Variants in CNTNAP2 observed in about 807,000 individuals in gnomAD.
The protein encoded by CNTNAP2 is contactin-associated protein-like 2.
In CNTNAP2, 98 loss-of-function variants were observed where a neutral mutation model predicts 155.2. The ratio of observed to expected loss-of-function variants is 0.63; its 90% CI spans 0.54 to 0.75. CNTNAP2 has a LOEUF of 0.75. Among genes scored for constraint, CNTNAP2 ranks in the 30% least tolerant of loss-of-function variants. The pLI, the probability that CNTNAP2 is intolerant of heterozygous loss-of-function variation, is 0.00. For synonymous variants in CNTNAP2, 651 were observed against 631.2 expected, an observed-to-expected ratio of 1.03 and a Z score of -0.47; for missense variants, 1,727 against 1,688.1, an observed-to-expected ratio of 1.02 and a Z score of -0.40.
intron 21 of CNTNAP2, among the ~76,000 whole-genome samples, chr7:148,301,292 T>TAAA (rs1191956788): frequency 6.7e-5 from 8 of 118,750 alleles, no homozygotes; most frequent in Admixed American, 8.9e-5. Context: ...AGACTCCGTC[T>TAAA]AAAAAAAAAA....
intron 15 of CNTNAP2, among the ~76,000 whole-genome samples, chr7:148,039,390 C>A (rs919305809): frequency 2.0e-5 from 3 of 152,136 alleles, no homozygotes; most frequent in African/African-American, 7.2e-5. Context: ...GAGGGAGGAT[C>A]TTCCTCACTC....
chr7:146,855,052 TCAAA>T (rs932316380), intron 3 of CNTNAP2, among the ~76,000 whole-genome samples: 11 of 152,080 alleles, frequency 7.2e-5, no homozygotes, highest in African/African-American at 1.7e-4. Context: ...AAAAGGAAAC[TCAAA>T]CAAAATATAT....
intron 8 of CNTNAP2, among the ~76,000 whole-genome samples, chr7:147,250,917 T>C (rs1463214573): frequency 6.6e-6 from 1 of 152,174 alleles, no homozygotes; most frequent in Non-Finnish European, 1.5e-5. Context: ...TCATGTTTTC[T>C]CTTGAGCTTC....
intron 1 of CNTNAP2, among the ~76,000 whole-genome samples, chr7:146,582,719 T>C (rs944215592): frequency 2.6e-5 from 4 of 152,078 alleles, no homozygotes; most frequent in Non-Finnish European, 5.9e-5. Context: ...TCTGAATGTG[T>C]TTCTATTTTC....
At chr7:148,316,348 T>TA (rs1378368772) in intron 21 of CNTNAP2, among the ~76,000 whole-genome samples, 10 of 55,138 alleles carry the variant, frequency 1.8e-4, no homozygotes, top group African/African-American at 3.0e-4. Flanking sequence ...TAAAAATATA[T>TA]TAAAAAAAAA....
intron 1 of CNTNAP2, among the ~76,000 whole-genome samples, chr7:146,640,020 C>T (rs942483332): frequency 8.5e-5 from 13 of 152,180 alleles, no homozygotes; most frequent in Non-Finnish European, 1.8e-4. Context: ...AGGAAGTCTT[C>T]CTGGTCCTCC....
intron 13 of CNTNAP2, among the ~76,000 whole-genome samples, chr7:147,662,064 A>C (rs1406353474): frequency 1.3e-5 from 2 of 152,166 alleles, no homozygotes; most frequent in East Asian, 3.9e-4. Flanking sequence ...GTTTGCAAGA[A>C]AGGCCAATCA....
intron 3 of CNTNAP2, among the ~76,000 whole-genome samples, chr7:146,974,970 TA>T (rs201271063): frequency 2.0e-5 from 3 of 152,086 alleles, no homozygotes; most frequent in Non-Finnish European, 4.4e-5. Context: ...AGACTCTATC[TA>T]AAAAAACAAA....
chr7:146,347,701 G>T (rs368605942), intron 1 of CNTNAP2, among the ~76,000 whole-genome samples: 29 of 152,098 alleles, frequency 1.9e-4, no homozygotes, highest in African/African-American at 7.0e-4. Flanking sequence ...AAATAGTTGG[G>T]ATTACAGGCA....
At chr7:147,808,933 T>A (rs1365923224) in intron 13 of CNTNAP2, among the ~76,000 whole-genome samples, 2 of 152,186 alleles carry the variant, frequency 1.3e-5, no homozygotes, top group Non-Finnish European at 2.9e-5. Flanking sequence ...TTAAATTTTC[T>A]AAAGCACCAA....
intron 12 of CNTNAP2, among the ~76,000 whole-genome samples, chr7:147,612,856 A>G (rs912467323): frequency 6.6e-6 from 1 of 152,096 alleles, no homozygotes; most frequent in Admixed American, 6.5e-5. Flanking sequence ...AAATTCACTC[A>G]TGTTTCATAA....
Position 147,953,512 on chromosome 7 carries a change from T to C in CNTNAP2, c.2256-24350T>C, listed in dbSNP as rs546406319. Reference sequence around the variant, plus strand: ...CACAAACCTGCATGTCCTGCACATGTATCCTGAAACTTTAAATTTTAAAAA... The same window carrying C: ...CACAAACCTGCATGTCCTGCACATGCATCCTGAAACTTTAAATTTTAAAAA... On this transcript the variant is annotated intron_variant, in intron 14 of 23. Transcript: ENST00000361727. 5.3e-5 allele frequency among the ~76,000 whole-genome samples: 8 copies of C among 152,290 alleles called. No individual in the cohort carries two copies. In the East Asian group the frequency reaches 1.2e-3, roughly 22 times the overall value.
intron 1 of CNTNAP2, among the ~76,000 whole-genome samples, chr7:146,244,144 T>G: frequency 6.6e-6 from 1 of 152,116 alleles, no homozygotes; most frequent in East Asian, 1.9e-4. Flanking sequence ...GGTCTAAGAA[T>G]TGGGACGACT....
At chr7:147,524,405 A>C (rs1197348262) in intron 11 of CNTNAP2, among the ~76,000 whole-genome samples, 1 of 152,164 alleles carries the variant, frequency 6.6e-6, no homozygotes, top group African/African-American at 2.4e-5. Context: ...ACAACAACAA[A>C]AAAGCGTGGC....
At chr7:148,295,459 T>C (rs569186927) in intron 21 of CNTNAP2, among the ~76,000 whole-genome samples, 1 of 152,090 alleles carries the variant, frequency 6.6e-6, no homozygotes, top group South Asian at 2.1e-4. Context: ...ATATTCCTAA[T>C]GTGCACTCAT....
chr7:146,996,348 A>G (rs1029214290), intron 3 of CNTNAP2, among the ~76,000 whole-genome samples: 1 of 152,158 alleles, frequency 6.6e-6, no homozygotes, highest in Non-Finnish European at 1.5e-5. Context: ...TCAATCTACG[A>G]ACATAAAGTC....
chr7:146,633,490 G>C (rs1298970721), intron 1 of CNTNAP2, among the ~76,000 whole-genome samples: 1 of 152,086 alleles, frequency 6.6e-6, no homozygotes. Context: ...TTAGTGTGAA[G>C]TTAATCACAA....
chr7:146,425,352 G>C (rs1487674137), intron 1 of CNTNAP2, among the ~76,000 whole-genome samples: 1 of 152,146 alleles, frequency 6.6e-6, no homozygotes, highest in Non-Finnish European at 1.5e-5. Flanking sequence ...AAGCTCCTAG[G>C]AAAGTAGAAA....
chr7:146,929,707 A>T (rs1299899245), intron 3 of CNTNAP2, among the ~76,000 whole-genome samples: 2 of 152,150 alleles, frequency 1.3e-5, no homozygotes, highest in African/African-American at 2.4e-5. Context: ...TTTAGACAAA[A>T]GTATAACTAG....
Sources: gnomAD v4.1 joint callset for allele counts (sites outside exome capture counted in the v4.1 genomes callset) on GRCh38, gnomAD v4.1.1 for gene constraint, MANE v1.5 for transcripts, NCBI Gene and HGNC (gene_info 2026-07-23, HGNC 2026-07-21) for gene names.